NETO1: variants seen among roughly 807,000 people sequenced by gnomAD.
NETO1 encodes the protein neuropilin and tolloid-like protein 1.
A neutral mutation model predicts 61.3 loss-of-function variants in NETO1; 26 were observed. The observed-to-expected ratio is 0.42, with a 90% CI of 0.31 to 0.59. The LOEUF (loss-of-function observed/expected upper bound fraction) is 0.59, where lower values mean the gene tolerates loss of function less well. NETO1 is among the 20% of genes least tolerant of loss of function. The pLI, the probability that NETO1 is intolerant of heterozygous loss-of-function variation, is 0.12. For synonymous variants in NETO1, 225 were observed against 225.8 expected (o/e 1.00, Z 0.03); for missense variants, 531 against 662.8 (o/e 0.80, Z 2.18).
At chr18:72,807,082 G>A (rs531547885) in intron 4 of NETO1, among the ~76,000 whole-genome samples, 43 of 152,142 alleles carry the variant, frequency 2.8e-4, no homozygotes, top group Non-Finnish European at 4.4e-4. Flanking sequence ...TAATCATATT[G>A]TTTTAATACT....
intron 4 of NETO1, among the ~76,000 whole-genome samples, chr18:72,824,726 A>G (rs1173152965): frequency 6.7e-6 from 1 of 149,926 alleles, no homozygotes; most frequent in Non-Finnish European, 1.5e-5. Flanking sequence ...AAAAACAAAC[A>G]AAAAAAGCCA....
intron 8 of NETO1, among the ~76,000 whole-genome samples, chr18:72,755,595 G>A (rs2070756765): frequency 6.6e-6 from 1 of 152,116 alleles, no homozygotes; most frequent in Admixed American, 6.6e-5. Flanking sequence ...GAAGTGGAGT[G>A]AAGTAGCTGG....
At chr18:72,865,840 C>A (rs2074718059) in intron 1 of NETO1, 2 of 619,584 alleles carry the variant, frequency 3.2e-6, no homozygotes, top group African/African-American at 3.7e-5. Context: ...CTCCAAGTAA[C>A]CCCGTCCCTC....
intron 4 of NETO1, among the ~76,000 whole-genome samples, chr18:72,808,661 A>AATAAGT (rs1568216427): frequency 6.6e-6 from 1 of 152,148 alleles, no homozygotes; most frequent in Admixed American, 6.5e-5. Context: ...CATAAATAAG[A>AATAAGT]TAAGGACACA....
chr18:72,815,468 C>T (rs921459126), intron 4 of NETO1, among the ~76,000 whole-genome samples: 1 of 151,940 alleles, frequency 6.6e-6, no homozygotes, highest in Admixed American at 6.6e-5. Flanking sequence ...AAAAGAAAGA[C>T]AACACAACAT....
chr18:72,757,905 G>A (rs2070837130), intron 7 of NETO1, among the ~76,000 whole-genome samples: 1 of 152,066 alleles, frequency 6.6e-6, no homozygotes, highest in Admixed American at 6.5e-5. Flanking sequence ...AAATGCTTTT[G>A]TAAAAATGCT....
intron 4 of NETO1, among the ~76,000 whole-genome samples, chr18:72,838,987 A>G (rs1189688478): frequency 6.6e-6 from 1 of 152,230 alleles, no homozygotes. Flanking sequence ...GCTAAAACAG[A>G]TAAAGCATAA....
intron 4 of NETO1, among the ~76,000 whole-genome samples, chr18:72,840,259 G>T (rs2073888078): frequency 1.3e-5 from 2 of 152,188 alleles, no homozygotes; most frequent in African/African-American, 4.8e-5. Flanking sequence ...ATTCTGAGGT[G>T]AGAACTGAGG....
At chr18:72,809,027 TATC>T (rs2072775415) in intron 4 of NETO1, among the ~76,000 whole-genome samples, 1 of 152,232 alleles carries the variant, frequency 6.6e-6, no homozygotes, top group South Asian at 2.1e-4. Context: ...GAGGTAAAGT[TATC>T]ATATTCTGTA....
intron 4 of NETO1, among the ~76,000 whole-genome samples, chr18:72,854,612 T>A (rs1211138888): frequency 6.6e-6 from 1 of 152,208 alleles, no homozygotes; most frequent in Non-Finnish European, 1.5e-5. Context: ...CCTTACATTT[T>A]CAAGTGCAAA....
intron 7 of NETO1, among the ~76,000 whole-genome samples, chr18:72,771,036 C>A (rs1599134461): frequency 6.6e-6 from 1 of 152,236 alleles, no homozygotes; most frequent in Non-Finnish European, 1.5e-5. Flanking sequence ...GGTGTTTAAT[C>A]TCAGAGGGTT....
intron 7 of NETO1, 75 bp downstream of exon 7, chr18:72,783,603 C>T (rs1386741314): frequency 8.0e-7 from 1 of 1,253,448 alleles, no homozygotes. Context: ...GTGAAGAAAA[C>T]ACCATTAACA....
chr18:72,776,567 G>A (rs554050387), intron 7 of NETO1, among the ~76,000 whole-genome samples: 15 of 152,248 alleles, frequency 9.9e-5, no homozygotes, highest in African/African-American at 3.4e-4. Context: ...CATCAGATGT[G>A]GAGTCTGGTG....
At chr18:72,802,691 C>T (rs1191657303) in intron 4 of NETO1, among the ~76,000 whole-genome samples, 1 of 152,174 alleles carries the variant, frequency 6.6e-6, no homozygotes, top group East Asian at 1.9e-4. Flanking sequence ...GGTGCAAAAA[C>T]AATGGTGGAG....
At chr18:72,756,895 G>A (rs1470457311) in intron 7 of NETO1, among the ~76,000 whole-genome samples, 1 of 152,014 alleles carries the variant, frequency 6.6e-6, no homozygotes, top group Non-Finnish European at 1.5e-5. Context: ...ATATAGCAAT[G>A]TAAAATGTTA....
intron 3 of NETO1, 60 bp downstream of exon 3, chr18:72,864,748 C>T: frequency 6.2e-7 from 1 of 1,609,050 alleles, no homozygotes; most frequent in East Asian, 2.2e-5. Flanking sequence ...TCATCCAAAG[C>T]ACAGAGATGG....
At chr18:72,841,733 C>CAAAA (rs1341296691) in intron 4 of NETO1, among the ~76,000 whole-genome samples, 30,426 of 70,262 alleles carry the variant, frequency 0.43, 11,624 homozygotes, top group East Asian at 0.57. Flanking sequence ...GACTCTACCT[C>CAAAA]AACAAAAAAA....
chr18:72,807,715 A>AACACACACAC (rs72126949), intron 4 of NETO1, among the ~76,000 whole-genome samples: 5 of 65,260 alleles, frequency 7.7e-5, no homozygotes, highest in Non-Finnish European at 2.1e-4. Flanking sequence ...TGAAGACAAG[A>AACACACACAC]ACACACACAC....
intron 4 of NETO1, among the ~76,000 whole-genome samples, chr18:72,806,130 T>C (rs2072667891): frequency 6.6e-6 from 1 of 152,142 alleles, no homozygotes; most frequent in South Asian, 2.1e-4. Context: ...GCCCAGTAAT[T>C]CTGTGATTAG....
Sources: allele counts gnomAD v4.1 joint callset (sites outside exome capture counted in the v4.1 genomes callset), GRCh38; gene constraint gnomAD v4.1.1; transcripts MANE v1.5; gene names NCBI Gene and HGNC (gene_info 2026-07-23, HGNC 2026-07-21).